Variants in WDR72 observed in about 807,000 individuals in gnomAD.
WDR72 encodes the protein WD repeat-containing protein 72.
WDR72 carries 120 observed loss-of-function variants against 124.2 expected under a neutral mutation model. The ratio of observed to expected loss-of-function variants is 0.97; its 90% CI spans 0.83 to 1.12. WDR72 has a LOEUF of 1.12. WDR72 is among the 50% of genes most tolerant of loss of function. The pLI is 0.00. For synonymous variants in WDR72, 452 were observed against 441.7 expected, an observed-to-expected ratio of 1.02 and a Z score of -0.29; for missense variants, 1,387 against 1,278.8, an observed-to-expected ratio of 1.08 and a Z score of -1.29.
At chr15:53,622,434 T>C (rs1053447721) in intron 14 of WDR72, among the ~76,000 whole-genome samples, 1 of 152,072 alleles carries the variant, frequency 6.6e-6, no homozygotes, top group Admixed American at 6.6e-5. Context: ...TACCATGGAA[T>C]ACTACACAGC....
At position 53,704,887 on chromosome 15, in the gene WDR72, G is replaced by C. The variant is rs2017301749; in HGVS notation, c.1348+101C>G. 17 of 1,342,948 alleles carry C rather than the reference G, an allele frequency of 1.3e-5. 1 individual carries two copies. Among genetic ancestry groups the C allele is most frequent in the Non-Finnish European group, 1.7e-5 (17 of 978,290 alleles). 83.2% of individuals were successfully genotyped at this position (1,342,948 alleles called of 1,614,324 possible). A position where few individuals can be genotyped will look rare whatever the true frequency, so the allele number is the denominator to read the frequency against. On this transcript the variant is annotated intron_variant, in intron 11 of 19. Coordinates refer to ENST00000360509, the MANE Select transcript of WDR72 (RefSeq NM_182758.4). Reference sequence around the variant, plus strand: ...AATATGTACATATTTATCAGCAAATGCCAGCAAATTATTTAGGCCTCTAAA... The same window carrying C: ...AATATGTACATATTTATCAGCAAATCCCAGCAAATTATTTAGGCCTCTAAA...
At chr15:53,549,611 TA>T (rs1256283272) in intron 18 of WDR72, among the ~76,000 whole-genome samples, 3 of 152,096 alleles carry the variant, frequency 2.0e-5, no homozygotes, top group Non-Finnish European at 4.4e-5. Context: ...GATTTTTTTT[TA>T]AAAGATGAGT....
intron 18 of WDR72, among the ~76,000 whole-genome samples, chr15:53,551,673 T>C (rs1176464747): frequency 1.3e-5 from 2 of 151,966 alleles, no homozygotes. Context: ...AGAATCACTA[T>C]AAAAAACAAT....
chr15:53,761,639 AATAGGAGG>A (rs1246278250), upstream of WDR72, among the ~76,000 whole-genome samples: 1 of 152,058 alleles, frequency 6.6e-6, no homozygotes, highest in East Asian at 1.9e-4. Flanking sequence ...CAGCCTGGAC[AATAGGAGG>A]AGACCCCCAT....
chr15:53,660,917 G>C (rs918554006), intron 14 of WDR72, among the ~76,000 whole-genome samples: 5 of 152,084 alleles, frequency 3.3e-5, no homozygotes, highest in African/African-American at 1.2e-4. Flanking sequence ...GGAAAAGGGA[G>C]GTGTTGACTA....
chr15:53,613,580 C>G, intron 16 of WDR72, 86 bp downstream of exon 16: 1 of 858,448 alleles, frequency 1.2e-6, no homozygotes. Flanking sequence ...TTTATTTTGA[C>G]ACTGCTAACC....
At chr15:53,662,752 T>C (rs1487248214) in intron 14 of WDR72, among the ~76,000 whole-genome samples, 2 of 151,996 alleles carry the variant, frequency 1.3e-5, no homozygotes, top group Non-Finnish European at 2.9e-5. Flanking sequence ...ATCAAATTTG[T>C]AAATTAAAGA....
intron 18 of WDR72, among the ~76,000 whole-genome samples, chr15:53,535,394 T>C (rs928906971): frequency 1.1e-4 from 16 of 152,220 alleles, no homozygotes; most frequent in African/African-American, 3.9e-4. Flanking sequence ...ATCATCAACC[T>C]TTGCAGAGAA....
Position 53,710,910 on chromosome 15 carries a change from T to C in WDR72, c.901A>G (p.Lys301Glu), listed in dbSNP as rs763405705. ...SIYPADGRVLKETIYPHLLCS... is the reference protein window; with the variant it reads ...SIYPADGRVLEETIYPHLLCS... ...AGTAAATGAGGATAAATGGTCTCTTTAAGCACTCTTCCATCAGCAGGGTAT... is the reference window on the plus strand; with the variant it reads ...AGTAAATGAGGATAAATGGTCTCTTCAAGCACTCTTCCATCAGCAGGGTAT... The change falls in exon 9 of 20, where the codon AAA (lysine) becomes GAA (glutamate). Residue 301 changes from lysine to glutamate, a missense_variant. Physicochemically the swap from Lys to Glu is moderately conservative, Grantham distance 56 (BLOSUM62 1). Coordinates refer to ENST00000360509, the MANE Select transcript of WDR72 (RefSeq NM_182758.4). 1 of 1,613,952 alleles carries C rather than the reference T, an allele frequency of 6.2e-7. No individual in the cohort carries two copies.
chr15:53,662,071 G>A (rs2015627341), intron 14 of WDR72, among the ~76,000 whole-genome samples: 1 of 152,104 alleles, frequency 6.6e-6, no homozygotes, highest in African/African-American at 2.4e-5. Flanking sequence ...AAAGATTTCT[G>A]CAATATATAG....
intron 18 of WDR72, 133 bp from the exon 19 acceptor site, chr15:53,523,455 A>T (rs1244455737): frequency 1.2e-6 from 1 of 825,108 alleles, no homozygotes; most frequent in African/African-American, 1.7e-5. Context: ...ACAAATAATA[A>T]ATTGAAATAA....
intron 14 of WDR72, among the ~76,000 whole-genome samples, chr15:53,637,079 A>C (rs1462023732): frequency 1.3e-5 from 2 of 152,088 alleles, no homozygotes; most frequent in African/African-American, 4.8e-5. Context: ...TGGACATTTC[A>C]TTATAATAAA....
rs772906340 is a variant in WDR72, at chr15:53,699,713, A to C, written c.1765+37T>G. On this transcript the variant is annotated intron_variant, in intron 13 of 19. Coordinates refer to ENST00000360509, the MANE Select transcript of WDR72 (RefSeq NM_182758.4). ...CTGGTCAAATGCTTGTACATCATAA[A>C]TATATAAAGAATGAAAGGGATAAAA... The C allele has an allele frequency of 2.5e-6, 4 of 1,602,582 alleles. No individual in the cohort carries two copies. The South Asian group carries it at 4.4e-5, about 18-fold the overall frequency.
chr15:53,671,851 G>A (rs1487660031), intron 13 of WDR72, among the ~76,000 whole-genome samples: 2 of 151,880 alleles, frequency 1.3e-5, no homozygotes, highest in Non-Finnish European at 2.9e-5. Context: ...CAGAACAGAA[G>A]ATGCTAGTCT....
At chr15:53,597,560 T>G (rs573361558) in intron 17 of WDR72, among the ~76,000 whole-genome samples, 1 of 151,104 alleles carries the variant, frequency 6.6e-6, no homozygotes, top group African/African-American at 2.4e-5. Context: ...CAAAGAGGAG[T>G]TTTTAATTAT....
At chr15:53,606,703 C>T (rs962003880) in intron 17 of WDR72, among the ~76,000 whole-genome samples, 9 of 152,030 alleles carry the variant, frequency 5.9e-5, no homozygotes, top group Non-Finnish European at 1.3e-4. Context: ...ATTTTTTAAG[C>T]AAAGACCTAA....
Position 53,599,403 on chromosome 15 carries a change from T to TCCA in WDR72, c.2953-2132_2953-2130dup, listed in dbSNP as rs987433125. On this transcript the variant is annotated intron_variant, in intron 17 of 19. Transcript: ENST00000360509. ...AAGTGAAAACGTTTGTATTTCCTAT[T>TCCA]CCACCACGACAGTTACCACAAATCC... 1.1e-4 allele frequency among the ~76,000 whole-genome samples: 16 copies of TCCA among 152,240 alleles called. 1 individual carries two copies. The highest frequency in any genetic ancestry group is 3.9e-4 in the African/African-American group (16 of 41,552).
At chr15:53,753,037 T>C (rs888727696) in intron 1 of WDR72, among the ~76,000 whole-genome samples, 1 of 152,142 alleles carries the variant, frequency 6.6e-6, no homozygotes, top group African/African-American at 2.4e-5. Flanking sequence ...GGTAGAAGCA[T>C]TTCCGAGGCA....
chr15:53,706,335 TG>T (rs2017356334), intron 9 of WDR72, among the ~76,000 whole-genome samples: 2 of 31,294 alleles, frequency 6.4e-5, no homozygotes, highest in African/African-American at 2.3e-4. Flanking sequence ...TATGTGCGTG[TG>T]TGTGTGTGTG....
Sources: allele counts gnomAD v4.1 joint callset (sites outside exome capture counted in the v4.1 genomes callset), GRCh38; gene constraint gnomAD v4.1.1; transcripts MANE v1.5; gene names NCBI Gene and HGNC (gene_info 2026-07-23, HGNC 2026-07-21).